Variants in GALNTL6 observed in about 807,000 individuals in gnomAD.
GALNTL6 encodes the protein polypeptide N-acetylgalactosaminyltransferase-like 6.
In GALNTL6, 46 loss-of-function variants were observed where a neutral mutation model predicts 73.7. That is an observed-to-expected ratio of 0.62 (90% confidence interval 0.49 to 0.80). The LOEUF is 0.80. Among genes scored for constraint, GALNTL6 ranks in the 30% least tolerant of loss-of-function variants. The pLI, the probability that GALNTL6 is intolerant of heterozygous loss-of-function variation, is 0.00. For missense variants in GALNTL6, 604 were observed against 755.0 expected, an observed-to-expected ratio of 0.80 and a Z score of 2.34; for synonymous variants, 259 against 263.7, an observed-to-expected ratio of 0.98 and a Z score of 0.17.
intron 5 of GALNTL6, among the ~76,000 whole-genome samples, chr4:172,542,329 A>G (rs913970116): frequency 6.6e-6 from 1 of 152,012 alleles, no homozygotes. Flanking sequence ...CATCTTCAAA[A>G]TGTCTAGGCC....
At chr4:172,720,250 G>A (rs1002897262) in intron 5 of GALNTL6, among the ~76,000 whole-genome samples, 3 of 152,114 alleles carry the variant, frequency 2.0e-5, no homozygotes, top group African/African-American at 7.2e-5. Context: ...CTCACAGACA[G>A]TTTAAAGGGT....
At chr4:172,716,018 C>T (rs1028277099) in intron 5 of GALNTL6, among the ~76,000 whole-genome samples, 6 of 152,308 alleles carry the variant, frequency 3.9e-5, no homozygotes, top group South Asian at 2.1e-4. Context: ...GATCACATGA[C>T]GACCAGCTTT....
intron 4 of GALNTL6, among the ~76,000 whole-genome samples, chr4:172,347,606 T>C (rs1398837142): frequency 1.3e-5 from 2 of 152,188 alleles, no homozygotes; most frequent in Admixed American, 6.5e-5. Flanking sequence ...AAGCAAAACA[T>C]CTATCTTACT....
chr4:172,637,634 C>T (rs1425630720), intron 5 of GALNTL6, among the ~76,000 whole-genome samples: 1 of 152,112 alleles, frequency 6.6e-6, no homozygotes, highest in Non-Finnish European at 1.5e-5. Context: ...ATAAATTCTA[C>T]AAAGTGTGGT....
intron 7 of GALNTL6, among the ~76,000 whole-genome samples, chr4:172,862,376 G>A (rs747689737): frequency 3.3e-5 from 5 of 152,056 alleles, no homozygotes; most frequent in East Asian, 1.9e-4. Flanking sequence ...ATTTCTAAGC[G>A]GCAAAGTGTT....
chr4:172,725,571 G>A lies in GALNTL6; in HGVS notation c.554-83790G>A, dbSNP rs114228918. Among the ~76,000 whole-genome samples the A allele has an allele frequency of 3.3e-3, 502 of 152,292 alleles. 4 individuals carry two copies. The highest frequency in any genetic ancestry group is 0.012 in the African/African-American group (479 of 41,568). On this transcript the variant is annotated intron_variant, in intron 5 of 12. Transcript: ENST00000506823. ...GTTCCTAATTAGGCCAAAACGTTGA[G>A]AGACTATATTCCTAACTTAAGATAA... is the stretch of plus-strand genomic sequence containing the variant.
intron 9 of GALNTL6, among the ~76,000 whole-genome samples, chr4:172,945,274 A>G (rs1204313111): frequency 6.6e-6 from 1 of 152,202 alleles, no homozygotes; most frequent in Non-Finnish European, 1.5e-5. Flanking sequence ...TAGAAATGCC[A>G]CAGAAAGGAG....
In GALNTL6 at chr4:172,586,802, G is replaced by A. The variant is rs764434418; in HGVS notation, c.554-222559G>A. 3.3e-5 allele frequency among the ~76,000 whole-genome samples: 5 copies of A among 152,292 alleles called. No individual in the cohort carries two copies. The East Asian group carries it at 5.8e-4, about 18-fold the overall frequency. ...TTCTAATAACAGACAGTACTTGAAC[G>A]TGAAAGCTAATTTGTCCTCCTATTG... On this transcript the variant is annotated intron_variant, in intron 5 of 12. Transcript: ENST00000506823.
chr4:171,892,745 G>T (rs1736797408), intron 2 of GALNTL6, among the ~76,000 whole-genome samples: 1 of 151,946 alleles, frequency 6.6e-6, no homozygotes, highest in Non-Finnish European at 1.5e-5. Context: ...AAAAAAATTT[G>T]TATAGACGAG....
chr4:172,078,676 T>C (rs1731785958), intron 2 of GALNTL6, among the ~76,000 whole-genome samples: 1 of 152,186 alleles, frequency 6.6e-6, no homozygotes, highest in Non-Finnish European at 1.5e-5. Context: ...ACTAGTATTT[T>C]AATATGGCGC....
intron 10 of GALNTL6, among the ~76,000 whole-genome samples, chr4:173,005,743 A>G (rs1255682409): frequency 6.6e-6 from 1 of 152,176 alleles, no homozygotes; most frequent in Non-Finnish European, 1.5e-5. Flanking sequence ...TCTCATATCC[A>G]GCTGCCTACC....
rs576539697 is a variant in GALNTL6 at position 172,003,648 on chromosome 4, G to A, written c.138+188930G>A. On this transcript the variant is annotated intron_variant, in intron 2 of 12. Coordinates refer to ENST00000506823, the MANE Select transcript of GALNTL6 (RefSeq NM_001034845.3). ...TCTATGTCAGATAATTCTTTAAAAT[G>A]TCATGGTTGGTTGCTTTAATTTCAT... is the stretch of plus-strand genomic sequence containing the variant. Among the ~76,000 whole-genome samples, 13 of 152,206 alleles carry A rather than the reference G, an allele frequency of 8.5e-5. No homozygotes were observed. In the South Asian group the frequency reaches 2.5e-3, roughly 29 times the overall value.
chr4:172,902,262 C>T (rs1470592146), intron 8 of GALNTL6, among the ~76,000 whole-genome samples: 1 of 152,088 alleles, frequency 6.6e-6, no homozygotes, highest in Non-Finnish European at 1.5e-5. Context: ...TACATCTAGT[C>T]CCCAAAGATT....
chr4:171,925,070 A>T (rs1041460561), intron 2 of GALNTL6, among the ~76,000 whole-genome samples: 7 of 152,204 alleles, frequency 4.6e-5, no homozygotes, highest in African/African-American at 1.7e-4. Context: ...GCTTTAGCTC[A>T]GCAAAAGAAA....
At chr4:172,338,590 C>T (rs889268062) in intron 4 of GALNTL6, among the ~76,000 whole-genome samples, 8 of 152,122 alleles carry the variant, frequency 5.3e-5, no homozygotes, top group African/African-American at 1.4e-4. Context: ...GTTCAAGCTC[C>T]GGGCCAGTAG....
intron 2 of GALNTL6, among the ~76,000 whole-genome samples, chr4:171,816,963 A>G (rs1734541019): frequency 6.6e-6 from 1 of 152,092 alleles, no homozygotes; most frequent in Admixed American, 6.6e-5. Flanking sequence ...TTGCAATGTT[A>G]GCAAGGTGGC....
intron 8 of GALNTL6, among the ~76,000 whole-genome samples, chr4:172,889,462 G>A (rs1241089906): frequency 6.6e-6 from 1 of 152,140 alleles, no homozygotes; most frequent in Non-Finnish European, 1.5e-5. Flanking sequence ...TTTTTATCAT[G>A]AAAGGATAAT....
At chr4:171,850,059 G>T (rs904697616) in intron 2 of GALNTL6, among the ~76,000 whole-genome samples, 7 of 152,122 alleles carry the variant, frequency 4.6e-5, no homozygotes, top group African/African-American at 1.7e-4. Flanking sequence ...TCTGCTTCCC[G>T]GTTTCAAGCG....
intron 5 of GALNTL6, among the ~76,000 whole-genome samples, chr4:172,776,276 C>G (rs561300185): frequency 7.9e-5 from 12 of 152,276 alleles, no homozygotes; most frequent in Admixed American, 5.9e-4. Flanking sequence ...TTTTTCACTC[C>G]TCTGCTCCTG....
Sources: gnomAD v4.1 joint callset for allele counts (sites outside exome capture counted in the v4.1 genomes callset) on GRCh38, gnomAD v4.1.1 for gene constraint, MANE v1.5 for transcripts, NCBI Gene and HGNC (gene_info 2026-07-23, HGNC 2026-07-21) for gene names.